Variants in GPC6 observed in about 807,000 individuals in gnomAD.
GPC6 encodes the protein glypican-6.
A neutral mutation model predicts 55.2 loss-of-function variants in GPC6; 14 were observed. The observed-to-expected ratio is 0.25, with a 90% CI of 0.17 to 0.40. The LOEUF (loss-of-function observed/expected upper bound fraction) is 0.40, where lower values mean the gene tolerates loss of function less well. GPC6 is among the 10% of genes least tolerant of loss of function. The pLI, the probability that GPC6 is intolerant of heterozygous loss-of-function variation, is 1.00. For missense variants in GPC6, 641 were observed against 708.5 expected (o/e 0.90, Z 1.08); for synonymous variants, 278 against 259.6 (o/e 1.07, Z -0.68).
At chr13:93,805,986 C>G (rs1321641894) in intron 2 of GPC6, among the ~76,000 whole-genome samples, 1 of 152,202 alleles carries the variant, frequency 6.6e-6, no homozygotes, top group Non-Finnish European at 1.5e-5. Flanking sequence ...ATTCACCACG[C>G]TATGCCTTAG....
chr13:93,442,196 C>G (rs1182945095), intron 1 of GPC6, among the ~76,000 whole-genome samples: 1 of 152,034 alleles, frequency 6.6e-6, no homozygotes, highest in Non-Finnish European at 1.5e-5. Flanking sequence ...AAAGGATCCA[C>G]CAGAGGCTCC....
intron 4 of GPC6, among the ~76,000 whole-genome samples, chr13:94,245,305 T>C (rs1891164201): frequency 6.6e-6 from 1 of 151,998 alleles, no homozygotes; most frequent in Non-Finnish European, 1.5e-5. Context: ...ATGCTTGTAA[T>C]CTCAGTGCTT....
intron 2 of GPC6, among the ~76,000 whole-genome samples, chr13:93,610,547 C>A (rs1279119340): frequency 1.3e-5 from 2 of 151,954 alleles, no homozygotes; most frequent in Non-Finnish European, 2.9e-5. Context: ...TAAGGTAAAT[C>A]ATGTTGGAGG....
chr13:93,380,677 G>A (rs1389887224), intron 1 of GPC6, among the ~76,000 whole-genome samples: 1 of 152,050 alleles, frequency 6.6e-6, no homozygotes, highest in African/African-American at 2.4e-5. Context: ...AGGGAACTGG[G>A]GTGCCACTGT....
Position 93,230,622 on chromosome 13 carries a change from GC to G in GPC6, c.160+3007del, listed in dbSNP as rs576396117. Among the ~76,000 whole-genome samples, 42 of 152,248 alleles carry G rather than the reference GC, an allele frequency of 2.8e-4. No individual in the cohort carries two copies. The East Asian group carries it at 7.7e-3, about 28-fold the overall frequency. On this transcript the variant is annotated intron_variant, in intron 1 of 8. Coordinates refer to ENST00000377047, the MANE Select transcript of GPC6 (RefSeq NM_005708.5). ...AGCCAAAAGCCTTCACAATATGCTT[GC>G]TTATTTTTTCTTGTTCTATCCTCTG...
At chr13:93,643,747 T>A (rs540577552) in intron 2 of GPC6, among the ~76,000 whole-genome samples, 1 of 152,168 alleles carries the variant, frequency 6.6e-6, no homozygotes, top group African/African-American at 2.4e-5. Flanking sequence ...ATCTGCTGGT[T>A]TTTTAGTCTT....
chr13:94,241,481 G>A (rs1442108104), intron 4 of GPC6, among the ~76,000 whole-genome samples: 6 of 152,098 alleles, frequency 3.9e-5, no homozygotes, highest in African/African-American at 1.4e-4. Context: ...CATTTGTAGT[G>A]TATATATAAT....
chr13:93,576,378 A>T lies in GPC6; in HGVS notation c.319+30957A>T, dbSNP rs149915923. 1.4e-4 allele frequency among the ~76,000 whole-genome samples: 21 copies of T among 152,286 alleles called. No individual in the cohort carries two copies. In the East Asian group the frequency reaches 3.9e-3, roughly 28 times the overall value. ...TGAATATTTAGAAGAAAGGAATTAT[A>T]AGAAATCAAACAAAAATAAAAGATC... is the stretch of plus-strand genomic sequence containing the variant. On this transcript the variant is annotated intron_variant, in intron 2 of 8. Transcript: ENST00000377047.
chr13:93,942,593 A>AT (rs1878791587), intron 3 of GPC6, among the ~76,000 whole-genome samples: 2 of 152,172 alleles, frequency 1.3e-5, no homozygotes, highest in African/African-American at 4.8e-5. Context: ...AAGGAGTGGG[A>AT]TTACAGGCAT....
intron 3 of GPC6, among the ~76,000 whole-genome samples, chr13:93,993,496 A>G (rs553250750): frequency 1.3e-5 from 2 of 152,036 alleles, no homozygotes; most frequent in South Asian, 2.1e-4. Flanking sequence ...GTGTTTCACC[A>G]TGTTGGCCAA....
intron 1 of GPC6, among the ~76,000 whole-genome samples, chr13:93,476,498 C>T (rs1052058889): frequency 1.3e-5 from 2 of 152,112 alleles, no homozygotes; most frequent in African/African-American, 4.8e-5. Flanking sequence ...TGCATGCCAC[C>T]TCAGTTCATC....
At chr13:93,333,460 A>G (rs1879924266) in intron 1 of GPC6, among the ~76,000 whole-genome samples, 1 of 148,988 alleles carries the variant, frequency 6.7e-6, no homozygotes, top group Non-Finnish European at 1.5e-5. Context: ...TTTTGTAACT[A>G]TTGTAAATGG....
At chr13:94,204,754 T>C (rs941205575) in intron 4 of GPC6, among the ~76,000 whole-genome samples, 1 of 152,194 alleles carries the variant, frequency 6.6e-6, no homozygotes. Flanking sequence ...GTCACTAGAA[T>C]TAATCATATT....
At chr13:93,946,712 C>T (rs967229313) in intron 3 of GPC6, among the ~76,000 whole-genome samples, 1 of 152,198 alleles carries the variant, frequency 6.6e-6, no homozygotes, top group Non-Finnish European at 1.5e-5. Flanking sequence ...GAATATTAGA[C>T]TATCAACCCC....
intron 4 of GPC6, among the ~76,000 whole-genome samples, chr13:94,063,514 T>C (rs1884409561): frequency 1.3e-5 from 2 of 152,208 alleles, no homozygotes; most frequent in South Asian, 4.1e-4. Flanking sequence ...TAAATCACTT[T>C]GTTAGTGCTT....
chr13:94,304,049 C>T (rs1006171672), intron 5 of GPC6, among the ~76,000 whole-genome samples: 2 of 152,224 alleles, frequency 1.3e-5, no homozygotes, highest in African/African-American at 4.8e-5. Flanking sequence ...GCACACTCAA[C>T]AGATCCCTGG....
chr13:93,680,291 G>C (rs1454127199), intron 2 of GPC6, among the ~76,000 whole-genome samples: 1 of 152,130 alleles, frequency 6.6e-6, no homozygotes, highest in Non-Finnish European at 1.5e-5. Flanking sequence ...GAGGGTCCTG[G>C]AATAGGTCTT....
In GPC6 at chr13:93,967,708, T is replaced by C. The variant is rs575292525; in HGVS notation, c.712-60021T>C. ...ATAACCAAGTGAGATATGACAAATA[T>C]TTAAGGAAAATTCTAGAGAAATCAC... On this transcript the variant is annotated intron_variant, in intron 3 of 8. Coordinates refer to ENST00000377047, the MANE Select transcript of GPC6 (RefSeq NM_005708.5). 3.9e-5 allele frequency among the ~76,000 whole-genome samples: 6 copies of C among 152,296 alleles called. No individual in the cohort carries two copies. In the South Asian group the frequency reaches 1.2e-3, roughly 32 times the overall value.
At chr13:93,988,617 C>T (rs186141117) in intron 3 of GPC6, among the ~76,000 whole-genome samples, 27 of 152,002 alleles carry the variant, frequency 1.8e-4, no homozygotes, top group East Asian at 3.9e-4. Context: ...TCTCATATGG[C>T]GGAAGGGGGA....
Sources: allele counts gnomAD v4.1 joint callset (sites outside exome capture counted in the v4.1 genomes callset), GRCh38; gene constraint gnomAD v4.1.1; transcripts MANE v1.5; gene names NCBI Gene and HGNC (gene_info 2026-07-23, HGNC 2026-07-21).